CFAP77: variants seen among roughly 807,000 people sequenced by gnomAD.
CFAP77 encodes cilia- and flagella-associated protein 77.
In CFAP77, 25 loss-of-function variants were observed where a neutral mutation model predicts 31.1. The observed-to-expected ratio is 0.80, with a 90% CI of 0.59 to 1.12. The LOEUF (loss-of-function observed/expected upper bound fraction) is 1.12, where lower values mean the gene tolerates loss of function less well. Ranked by LOEUF, CFAP77 falls within the 50% of genes most tolerant of loss-of-function variation. CFAP77 has a pLI of 0.00. For synonymous variants in CFAP77, 151 were observed against 159.9 expected, an observed-to-expected ratio of 0.94 and a Z score of 0.42; for missense variants, 377 against 397.3, an observed-to-expected ratio of 0.95 and a Z score of 0.44.
At chr9:132,520,841 T>A (rs1246793783) in intron 3 of CFAP77, among the ~76,000 whole-genome samples, 1 of 151,994 alleles carries the variant, frequency 6.6e-6, no homozygotes, top group African/African-American at 2.4e-5. Flanking sequence ...CCTCCATTCC[T>A]CTCTCCCTGG....
chr9:132,430,328 T>C (rs1850392301), intron 1 of CFAP77, among the ~76,000 whole-genome samples: 1 of 152,174 alleles, frequency 6.6e-6, no homozygotes, highest in South Asian at 2.1e-4. Flanking sequence ...TTCAGTCCTC[T>C]GTTTTGATCC....
chr9:132,492,591 C>T (rs770457116), intron 1 of CFAP77, among the ~76,000 whole-genome samples: 6 of 152,228 alleles, frequency 3.9e-5, no homozygotes, highest in Admixed American at 1.3e-4. Context: ...CTCAGCCATG[C>T]GGCTTTGGGC....
chr9:132,482,470 A>G, intron 1 of CFAP77: 1 of 1,502,078 alleles, frequency 6.7e-7, no homozygotes, highest in South Asian at 1.1e-5. Context: ...AGGGGAAAAG[A>G]GGGGCCCCTC....
chr9:132,429,254 T>C (rs1850363741), intron 1 of CFAP77, among the ~76,000 whole-genome samples: 1 of 151,832 alleles, frequency 6.6e-6, no homozygotes, highest in African/African-American at 2.4e-5. Flanking sequence ...TAATGTCTCC[T>C]TTCCAGCCAG....
intron 1 of CFAP77, among the ~76,000 whole-genome samples, chr9:132,492,293 A>G (rs982675401): frequency 3.3e-5 from 5 of 150,708 alleles, no homozygotes; most frequent in Non-Finnish European, 7.4e-5. Context: ...GTCTCAAAAA[A>G]GAACCCCCCC....
intron 3 of CFAP77, among the ~76,000 whole-genome samples, chr9:132,532,369 G>C (rs1296576843): frequency 3.3e-5 from 5 of 152,244 alleles, no homozygotes; most frequent in African/African-American, 1.2e-4. Flanking sequence ...GCCCGGCAGA[G>C]AGCGGAGCCA....
chr9:132,541,584 C>T (rs564569178), intron 4 of CFAP77, among the ~76,000 whole-genome samples: 3 of 152,220 alleles, frequency 2.0e-5, no homozygotes, highest in South Asian at 2.1e-4. Flanking sequence ...ATTAGCTGGG[C>T]GTGGTGGTGG....
At chr9:132,496,727 G>A (rs983759049) in intron 1 of CFAP77, among the ~76,000 whole-genome samples, 59 of 152,226 alleles carry the variant, frequency 3.9e-4, no homozygotes, top group Admixed American at 2.1e-3. Flanking sequence ...ATATAATAAG[G>A]AGGCTTGTCT....
At position 132,517,680 on chromosome 9, in the gene CFAP77, T is replaced by C. The variant is rs139831520; in HGVS notation, c.524+18080T>C. ...CAGCGAAGATGAAGATGGGTTGCCA[T>C]GAAAGGGCCCCTCTAATCCACAGAG... is the stretch of plus-strand genomic sequence containing the variant. On this transcript the variant is annotated intron_variant, in intron 3 of 5. Transcript: ENST00000393216. The surrounding 1 kb of genome is among the most constrained non-coding windows in gnomAD (Gnocchi z 4.7). 3.3e-5 allele frequency among the ~76,000 whole-genome samples: 5 copies of C among 152,332 alleles called. No individual in the cohort carries two copies. The East Asian group carries it at 7.7e-4, about 24-fold the overall frequency.
At chr9:132,433,878 G>T (rs537384807) in intron 1 of CFAP77, among the ~76,000 whole-genome samples, 1 of 151,024 alleles carries the variant, frequency 6.6e-6, no homozygotes, top group East Asian at 1.9e-4. Flanking sequence ...CCCAGCTTTG[G>T]TCAGGCGCTC....
rs2119088157 is a variant in CFAP77, at chr9:132,554,805, G to GGCTGTGTTGCC, written c.732+11759_732+11769dup. Among the ~76,000 whole-genome samples the GGCTGTGTTGCC allele has an allele frequency of 6.6e-6, 1 of 152,198 alleles. No individual in the cohort carries two copies. Among genetic ancestry groups the GGCTGTGTTGCC allele is most frequent in the East Asian group, 1.9e-4 (1 of 5,182 alleles). On this transcript the variant is annotated intron_variant, in intron 5 of 5. Coordinates refer to ENST00000393216, the MANE Select transcript of CFAP77 (RefSeq NM_001282957.2). The surrounding 1 kb of genome is among the most constrained non-coding windows in gnomAD (Gnocchi z 4.1). Reference sequence around the variant, plus strand: ...CCTGAATCTTGGATGCATTCCTAAGGGCTGTGTTGCCTCATCCCCAGACTC... The same window carrying GGCTGTGTTGCC: ...CCTGAATCTTGGATGCATTCCTAAGGGCTGTGTTGCCGCTGTGTTGCCTCATCCCCAGACTC...
At chr9:132,438,376 T>C (rs1420697990) in intron 1 of CFAP77, among the ~76,000 whole-genome samples, 1 of 151,326 alleles carries the variant, frequency 6.6e-6, no homozygotes, top group African/African-American at 2.4e-5. Context: ...TCTGGTGAGC[T>C]GATAGAGACT....
At chr9:132,550,938 G>C (rs1852811767) in intron 5 of CFAP77, among the ~76,000 whole-genome samples, 1 of 152,104 alleles carries the variant, frequency 6.6e-6, no homozygotes, top group South Asian at 2.1e-4. Flanking sequence ...AGGTGAAATG[G>C]ACCAAGATGC....
chr9:132,459,903 TGTGTGA>T lies in CFAP77; in HGVS notation c.196-38783_196-38778del, dbSNP rs560907289. 3.2e-4 allele frequency among the ~76,000 whole-genome samples: 49 copies of T among 151,794 alleles called. 1 individual carries two copies. Among genetic ancestry groups the T allele is most frequent in the Admixed American group, 9.9e-4 (15 of 15,222 alleles). On this transcript the variant is annotated intron_variant, in intron 1 of 5. Coordinates refer to ENST00000393216, the MANE Select transcript of CFAP77 (RefSeq NM_001282957.2). ...GTGTATGTGGGTGTGAGTGTGTTAG[TGTGTGA>T]GTGTGAGTTTGTATGAGTGTGTGCG...
intron 4 of CFAP77, among the ~76,000 whole-genome samples, chr9:132,541,913 G>C (rs934685797): frequency 6.6e-6 from 1 of 152,222 alleles, no homozygotes; most frequent in African/African-American, 2.4e-5. Flanking sequence ...AGGTTTACTG[G>C]GCCCCGCCCT....
At chr9:132,451,964 C>T (rs1314068323) in intron 1 of CFAP77, among the ~76,000 whole-genome samples, 2 of 151,834 alleles carry the variant, frequency 1.3e-5, no homozygotes, top group Non-Finnish European at 2.9e-5. Context: ...GCCACTATGC[C>T]CGACTAATTT....
Position 132,572,720 on chromosome 9 carries a change from T to G in CFAP77, c.*210T>G. 1.8e-6 allele frequency: 1 copy of G among 560,852 alleles called. No homozygotes were observed. Among genetic ancestry groups the G allele is most frequent in the Non-Finnish European group, 3.1e-6 (1 of 322,770 alleles). 34.7% of individuals were successfully genotyped at this position (560,852 alleles called of 1,614,324 possible). A position where few individuals can be genotyped will look rare whatever the true frequency, so the allele number is the denominator to read the frequency against. ...AGTCTCCACTTAGCCCCAGTGACCC[T>G]CTACCTGGAGCCTCCTCCTCTCCTC... is the stretch of plus-strand genomic sequence containing the variant. On this transcript the variant is annotated 3_prime_UTR_variant, in exon 6 of 6. Coordinates refer to ENST00000393216, the MANE Select transcript of CFAP77 (RefSeq NM_001282957.2).
chr9:132,561,150 G>A lies in CFAP77; in HGVS notation c.733-11238G>A, dbSNP rs539771230. ...GTTCTACCGGAGCCTCTGACCTCCA[G>A]CTGCCCCGAACTTGACAGGAATTAC... is the stretch of plus-strand genomic sequence containing the variant. On this transcript the variant is annotated intron_variant, in intron 5 of 5. Transcript: ENST00000393216. Among the ~76,000 whole-genome samples the A allele has an allele frequency of 3.3e-5, 5 of 152,274 alleles. No individual in the cohort carries two copies. In the East Asian group the frequency reaches 7.7e-4, roughly 23 times the overall value.
At chr9:132,533,102 G>A (rs966363076) in intron 3 of CFAP77, among the ~76,000 whole-genome samples, 3 of 152,310 alleles carry the variant, frequency 2.0e-5, no homozygotes, top group East Asian at 3.9e-4. Context: ...CTTGAAGCAT[G>A]AGGCCTGGAT....
Sources: gnomAD v4.1 joint callset for allele counts (sites outside exome capture counted in the v4.1 genomes callset) on GRCh38, gnomAD v4.1.1 for gene constraint, Gnocchi (gnomAD v3.1) non-coding constraint, MANE v1.5 for transcripts, NCBI Gene and HGNC (gene_info 2026-07-23, HGNC 2026-07-21) for gene names.